Variants in AKAP6 observed in about 807,000 individuals in gnomAD.
AKAP6 encodes A-kinase anchoring protein 6, also known as A-kinase anchor protein 6.
In AKAP6, 58 loss-of-function variants were observed where a neutral mutation model predicts 188.5. The ratio of observed to expected loss-of-function variants is 0.31; its 90% CI spans 0.25 to 0.38. The LOEUF (loss-of-function observed/expected upper bound fraction) is 0.38, where lower values mean the gene tolerates loss of function less well. Among genes scored for constraint, AKAP6 ranks in the 10% least tolerant of loss-of-function variants. The probability of loss-of-function intolerance (pLI) is 1.00; values close to 1 mark genes in which losing one functional copy is unlikely to be tolerated. For missense variants in AKAP6, 2,710 were observed against 2,740.0 expected, an observed-to-expected ratio of 0.99 and a Z score of 0.24; for synonymous variants, 989 against 998.6, an observed-to-expected ratio of 0.99 and a Z score of 0.18.
At chr14:32,489,605 T>C (rs1432288175) in intron 2 of AKAP6, among the ~76,000 whole-genome samples, 2 of 152,110 alleles carry the variant, frequency 1.3e-5, no homozygotes, top group Non-Finnish European at 2.9e-5. Flanking sequence ...TTACCTAGAT[T>C]AAAAAACAAA....
intron 12 of AKAP6, among the ~76,000 whole-genome samples, chr14:32,792,326 A>G (rs2033635973): frequency 6.6e-6 from 1 of 152,156 alleles, no homozygotes; most frequent in African/African-American, 2.4e-5. Context: ...CTCCCTGAAG[A>G]GGACCTTCAC....
intron 12 of AKAP6, among the ~76,000 whole-genome samples, chr14:32,788,624 A>G (rs1407170056): frequency 6.6e-6 from 1 of 152,108 alleles, no homozygotes; most frequent in African/African-American, 2.4e-5. Context: ...CCCCCCAGGA[A>G]ACCATGCTTC....
intron 8 of AKAP6, among the ~76,000 whole-genome samples, chr14:32,688,118 T>C (rs988162816): frequency 6.7e-6 from 1 of 150,354 alleles, no homozygotes; most frequent in Non-Finnish European, 1.5e-5. Flanking sequence ...ATATATAATA[T>C]AGTATATATA....
intron 7 of AKAP6, among the ~76,000 whole-genome samples, chr14:32,665,458 G>A (rs1275567197): frequency 6.6e-6 from 1 of 151,928 alleles, no homozygotes; most frequent in Non-Finnish European, 1.5e-5. Flanking sequence ...AGATGCATAG[G>A]GCGAGAAATA....
At chr14:32,403,546 T>C (rs1951180) in intron 1 of AKAP6, among the ~76,000 whole-genome samples, 145,560 of 152,286 alleles carry the variant, frequency 0.96, 69,828 homozygotes, top group East Asian at 1. Flanking sequence ...AGAGCCAAGC[T>C]TGTGCTTGTA....
chr14:32,686,977 G>C (rs1360703559), intron 8 of AKAP6, among the ~76,000 whole-genome samples: 1 of 152,088 alleles, frequency 6.6e-6, no homozygotes, highest in Admixed American at 6.6e-5. Context: ...ATCACGCAAG[G>C]CTTTAGTATA....
At chr14:32,785,061 A>T (rs1300650702) in intron 12 of AKAP6, among the ~76,000 whole-genome samples, 1 of 152,072 alleles carries the variant, frequency 6.6e-6, no homozygotes, top group Non-Finnish European at 1.5e-5. Context: ...GGCATGACAT[A>T]TTAAAGATCT....
chr14:32,804,741 T>G (rs1470645036), intron 12 of AKAP6, among the ~76,000 whole-genome samples: 1 of 152,094 alleles, frequency 6.6e-6, no homozygotes, highest in Admixed American at 6.6e-5. Flanking sequence ...CATATCTCAG[T>G]CCTTATCTCA....
At chr14:32,613,800 G>A (rs1206700456) in intron 7 of AKAP6, among the ~76,000 whole-genome samples, 2 of 152,092 alleles carry the variant, frequency 1.3e-5, no homozygotes, top group Non-Finnish European at 2.9e-5. Context: ...CTTCTGAGAG[G>A]TGTATACACA....
intron 4 of AKAP6, among the ~76,000 whole-genome samples, chr14:32,561,725 G>A (rs1883963131): frequency 6.6e-6 from 1 of 152,214 alleles, no homozygotes; most frequent in Non-Finnish European, 1.5e-5. Flanking sequence ...GAGTTTATAA[G>A]ATGCCAAGAG....
At chr14:32,676,092 AC>A (rs1566640509) in intron 7 of AKAP6, among the ~76,000 whole-genome samples, 76 of 152,258 alleles carry the variant, frequency 5.0e-4, no homozygotes, top group African/African-American at 1.7e-3. Flanking sequence ...GTCCCTTGGT[AC>A]CTAATGGCAC....
chr14:32,589,640 TAAGG>T (rs1426649747), intron 5 of AKAP6, among the ~76,000 whole-genome samples: 4 of 152,218 alleles, frequency 2.6e-5, no homozygotes, highest in African/African-American at 7.2e-5. Context: ...TGTCTCAGTT[TAAGG>T]ACTCTTGGGC....
Position 32,591,646 on chromosome 14 carries a change from CTCT to C in AKAP6, c.2470-7762_2470-7760del, listed in dbSNP as rs1480977096. Among the ~76,000 whole-genome samples, 9 of 88,892 alleles carry C rather than the reference CTCT, an allele frequency of 1.0e-4. No homozygotes were observed. In the East Asian group the frequency reaches 4.3e-3, roughly 42 times the overall value. The allele number at this position is 88,892 out of a possible 152,430, so 58.3% of individuals were successfully genotyped here. A position where few individuals can be genotyped will look rare whatever the true frequency, so the allele number is the denominator to read the frequency against. On this transcript the variant is annotated intron_variant, in intron 5 of 13. Coordinates refer to ENST00000280979, the MANE Select transcript of AKAP6 (RefSeq NM_004274.5). ...TTTTGTCTTCATATCTCAGTGTCTT[CTCT>C]TTTTTTTTTTTTTTTCAAAAGGAAA...
chr14:32,610,025 T>C (rs2139380547), intron 7 of AKAP6, among the ~76,000 whole-genome samples: 1 of 152,320 alleles, frequency 6.6e-6, no homozygotes, highest in South Asian at 2.1e-4. Flanking sequence ...GGTGTGTTTA[T>C]ATAACATATT....
chr14:32,697,118 C>T (rs952775327), intron 9 of AKAP6, among the ~76,000 whole-genome samples: 1 of 151,972 alleles, frequency 6.6e-6, no homozygotes, highest in Non-Finnish European at 1.5e-5. Context: ...TAAAAGTTGC[C>T]TTCTTTCTTC....
At chr14:32,619,305 T>C (rs1465634955) in intron 7 of AKAP6, among the ~76,000 whole-genome samples, 1 of 152,218 alleles carries the variant, frequency 6.6e-6, no homozygotes, top group Non-Finnish European at 1.5e-5. Context: ...AGAATTTTTA[T>C]GGCTTCAGGT....
intron 2 of AKAP6, among the ~76,000 whole-genome samples, chr14:32,506,720 A>C (rs911498279): frequency 6.6e-6 from 1 of 151,448 alleles, no homozygotes; most frequent in African/African-American, 2.4e-5. Context: ...TTTACCAGAG[A>C]CGGGGTTTCA....
At chr14:32,460,501 C>G (rs923195718) in intron 2 of AKAP6, among the ~76,000 whole-genome samples, 1 of 152,200 alleles carries the variant, frequency 6.6e-6, no homozygotes, top group African/African-American at 2.4e-5. Context: ...CCTCCCTCCC[C>G]CAGCCAAGAG....
chr14:32,467,337 T>G (rs1878521783), intron 2 of AKAP6, among the ~76,000 whole-genome samples: 1 of 152,078 alleles, frequency 6.6e-6, no homozygotes, highest in Non-Finnish European at 1.5e-5. Context: ...GGGGAGTGGG[T>G]AGGAACAAAC....
Sources: allele counts gnomAD v4.1 joint callset (sites outside exome capture counted in the v4.1 genomes callset), GRCh38; gene constraint gnomAD v4.1.1; transcripts MANE v1.5; gene names NCBI Gene and HGNC (gene_info 2026-07-23, HGNC 2026-07-21).